LRMDA: variants seen among roughly 807,000 people sequenced by gnomAD.
LRMDA encodes leucine rich melanocyte differentiation associated.
A neutral mutation model predicts 29.8 loss-of-function variants in LRMDA; 18 were observed. The observed-to-expected ratio is 0.60, with a 90% confidence interval of 0.42 to 0.90. The LOEUF (loss-of-function observed/expected upper bound fraction) is 0.90. LRMDA is among the 40% of genes least tolerant of loss of function. The probability of loss-of-function intolerance (pLI) is 0.00; values close to 1 mark genes in which losing one functional copy is unlikely to be tolerated. For missense variants in LRMDA, 273 were observed against 273.9 expected, an observed-to-expected ratio of 1.00 and a Z score of 0.02; for synonymous variants, 125 against 109.4, an observed-to-expected ratio of 1.14 and a Z score of -0.89.
intron 5 of LRMDA, among the ~76,000 whole-genome samples, chr10:76,177,000 GTCTT>G (rs1850948605): frequency 6.6e-6 from 1 of 152,138 alleles, no homozygotes; most frequent in Non-Finnish European, 1.5e-5. Flanking sequence ...TTCCAATAGA[GTCTT>G]CCAGAGCACA....
chr10:75,725,644 G>A (rs1842622828), intron 2 of LRMDA, among the ~76,000 whole-genome samples: 2 of 152,132 alleles, frequency 1.3e-5, no homozygotes, highest in African/African-American at 2.4e-5. Flanking sequence ...GGAGGTAATG[G>A]CTTTTCTTAA....
chr10:76,171,823 A>G (rs1850845088), intron 5 of LRMDA, among the ~76,000 whole-genome samples: 1 of 152,192 alleles, frequency 6.6e-6, no homozygotes, highest in East Asian at 1.9e-4. Flanking sequence ...CAGACAAAAT[A>G]TATGAAACAA....
intron 5 of LRMDA, among the ~76,000 whole-genome samples, chr10:76,181,120 A>G (rs1851041505): frequency 6.6e-6 from 1 of 152,168 alleles, no homozygotes; most frequent in Non-Finnish European, 1.5e-5. Context: ...GCCCATTGGA[A>G]TAGGCTGTTC....
intron 5 of LRMDA, among the ~76,000 whole-genome samples, chr10:76,117,143 G>A (rs1399581070): frequency 1.3e-5 from 2 of 152,194 alleles, no homozygotes; most frequent in South Asian, 2.1e-4. Flanking sequence ...CATACCAACA[G>A]TGCTCGTGCT....
chr10:76,043,998 T>C (rs1257331641), intron 3 of LRMDA, among the ~76,000 whole-genome samples: 3 of 151,702 alleles, frequency 2.0e-5, no homozygotes, highest in Non-Finnish European at 4.4e-5. Context: ...CGTAAATAAT[T>C]AGAATCACTC....
intron 2 of LRMDA, among the ~76,000 whole-genome samples, chr10:75,802,074 A>G (rs1262252475): frequency 3.3e-5 from 5 of 152,140 alleles, no homozygotes; most frequent in African/African-American, 9.7e-5. Context: ...ATCCCAACAC[A>G]GGCATGCTGA....
intron 6 of LRMDA, among the ~76,000 whole-genome samples, chr10:76,485,739 T>C (rs1842776854): frequency 6.6e-6 from 1 of 151,894 alleles, no homozygotes; most frequent in Non-Finnish European, 1.5e-5. Context: ...CTTTATTTCT[T>C]CCTTACTATT....
chr10:75,488,533 T>G (rs764840870), intron 2 of LRMDA, among the ~76,000 whole-genome samples: 6 of 152,192 alleles, frequency 3.9e-5, no homozygotes, highest in Non-Finnish European at 8.8e-5. Flanking sequence ...TTAGGAAAAC[T>G]CTAATAAAGT....
chr10:75,858,442 C>T (rs77430178), intron 2 of LRMDA, among the ~76,000 whole-genome samples: 2,590 of 152,304 alleles, frequency 0.017, 70 homozygotes, highest in African/African-American at 0.059. Flanking sequence ...AGGCTCTCCA[C>T]CCAAACTAGG....
chr10:75,590,726 C>CTTTTTTTTTT lies in LRMDA; in HGVS notation c.131+152265_131+152274dup, dbSNP rs67966004. 5.0e-4 allele frequency among the ~76,000 whole-genome samples: 36 copies of CTTTTTTTTTT among 71,382 alleles called. 1 individual carries two copies. The highest frequency in any genetic ancestry group is 6.3e-4 in the African/African-American group (11 of 17,428). 46.8% of individuals were successfully genotyped at this position (71,382 alleles called of 152,430 possible). ...CTCCTAACTCTCACAATAAAATAGT[C>CTTTTTTTTTT]TTTTTTTTTTTTTTTTTTTTTTTTT... On this transcript the variant is annotated intron_variant, in intron 2 of 6. Coordinates refer to ENST00000611255, the MANE Select transcript of LRMDA (RefSeq NM_001305581.2).
intron 5 of LRMDA, among the ~76,000 whole-genome samples, chr10:76,259,979 G>A (rs1243320931): frequency 1.3e-5 from 2 of 151,724 alleles, no homozygotes; most frequent in East Asian, 3.9e-4. Flanking sequence ...TTACATGTGA[G>A]GTGAGTTTCT....
chr10:76,453,935 C>G (rs1005911527), intron 6 of LRMDA, among the ~76,000 whole-genome samples: 1 of 152,158 alleles, frequency 6.6e-6, no homozygotes, highest in Non-Finnish European at 1.5e-5. Context: ...ATTTAATCCT[C>G]AAAACTCATT....
At chr10:76,343,669 T>G (rs1841068244) in intron 6 of LRMDA, among the ~76,000 whole-genome samples, 1 of 152,236 alleles carries the variant, frequency 6.6e-6, no homozygotes, top group African/African-American at 2.4e-5. Flanking sequence ...GGCGTTCCTG[T>G]GAAAGTAAGG....
intron 2 of LRMDA, among the ~76,000 whole-genome samples, chr10:75,483,311 C>T (rs889412609): frequency 6.6e-6 from 1 of 152,162 alleles, no homozygotes; most frequent in African/African-American, 2.4e-5. Flanking sequence ...CAAATAGGTA[C>T]ATTTTCATAG....
chr10:76,138,506 C>T (rs1232516209), intron 5 of LRMDA, among the ~76,000 whole-genome samples: 1 of 152,164 alleles, frequency 6.6e-6, no homozygotes, highest in African/African-American at 2.4e-5. Context: ...TAAACCTGGC[C>T]AAGCGAGAAC....
At chr10:75,938,910 C>G (rs762952513) in intron 2 of LRMDA, among the ~76,000 whole-genome samples, 3 of 152,180 alleles carry the variant, frequency 2.0e-5, no homozygotes, top group Admixed American at 1.3e-4. Flanking sequence ...AAGAAGCAAT[C>G]CTAACAAATA....
chr10:75,884,101 T>C (rs967572790), intron 2 of LRMDA, among the ~76,000 whole-genome samples: 2 of 152,030 alleles, frequency 1.3e-5, no homozygotes, highest in African/African-American at 4.8e-5. Context: ...CATTTGTATA[T>C]TGAATATTGA....
At chr10:75,508,132 G>A (rs1381043228) in intron 2 of LRMDA, among the ~76,000 whole-genome samples, 1 of 152,184 alleles carries the variant, frequency 6.6e-6, no homozygotes, top group East Asian at 1.9e-4. Flanking sequence ...AATAACCTGT[G>A]TGGGGGTAAT....
At chr10:76,113,510 C>A (rs181790069) in intron 5 of LRMDA, among the ~76,000 whole-genome samples, 26 of 152,104 alleles carry the variant, frequency 1.7e-4, no homozygotes, top group African/African-American at 5.1e-4. Flanking sequence ...AAAATCAGAA[C>A]AGAGTGTTGG....
Sources: allele counts gnomAD v4.1 joint callset (sites outside exome capture counted in the v4.1 genomes callset), GRCh38; gene constraint gnomAD v4.1.1; transcripts MANE v1.5; gene names NCBI Gene and HGNC (gene_info 2026-07-23, HGNC 2026-07-21).